Variants in HMCN1 observed in about 807,000 individuals in gnomAD.
The protein encoded by HMCN1 is hemicentin-1.
Under a neutral mutation model 625.9 loss-of-function variants are expected in HMCN1, and 321 were observed. The observed-to-expected ratio is 0.51, with a 90% CI of 0.47 to 0.56. The LOEUF (loss-of-function observed/expected upper bound fraction) is 0.56, where lower values mean the gene tolerates loss of function less well. HMCN1 is among the 20% of genes least tolerant of loss of function. HMCN1 has a pLI of 0.00. For missense variants in HMCN1, 6,588 were observed against 6,887.3 expected, an observed-to-expected ratio of 0.96 and a Z score of 1.54; for synonymous variants, 2,425 against 2,417.6, an observed-to-expected ratio of 1.00 and a Z score of -0.09.
At chr1:185,880,414 GTTTGT>G (rs1443622147) in intron 4 of HMCN1, among the ~76,000 whole-genome samples, 1 of 152,138 alleles carries the variant, frequency 6.6e-6, no homozygotes, top group African/African-American at 2.4e-5. Flanking sequence ...TTATTTGTCT[GTTTGT>G]TTTAACTTTC....
At position 186,136,889 on chromosome 1, in the gene HMCN1, C is replaced by G. The variant is rs766364489; in HGVS notation, c.13534C>G (p.Arg4512Gly). The G allele has an allele frequency of 1.3e-5, 21 of 1,613,924 alleles. No homozygotes were observed. The South Asian group carries it at 1.6e-4, about 13-fold the overall frequency. Residue 4512 changes from arginine to glycine, a missense_variant, in exon 87 of 107, where the codon CGA becomes GGA. Coordinates refer to ENST00000271588, the MANE Select transcript of HMCN1 (RefSeq NM_031935.3). The part of the protein sequence containing the change: ...EDTSEFECVA[R>G]NLMGSVLVRV... ...TACCTCTGAATTTGAATGTGTTGCT[C>G]GAAACTTAATGGGTTCTGTCCTTGT...
At position 185,970,439 on chromosome 1, in the gene HMCN1, G is replaced by A. The variant is rs376004147; in HGVS notation, c.2317G>A (p.Val773Ile). The A allele has an allele frequency of 7.4e-6, 12 of 1,613,750 alleles. No homozygotes were observed. In the African/African-American group the frequency reaches 8.0e-5, roughly 11 times the overall value. Residue 773 changes from valine to isoleucine, a missense_variant, in exon 15 of 107, where the codon GTA becomes ATA. Val to Ile is a conservative substitution (Grantham distance 29). Around this residue, in one of 3 missense-constraint regions of HMCN1, gnomAD observed 4,628 missense variants for 4,853.1 expected, o/e 0.95. Transcript: ENST00000271588. ...TCTGGATGCTGGCGATTATACCTGTGTAGCCATCAATGAGGCTGGAAGAGC... is the reference window on the plus strand; with the variant it reads ...TCTGGATGCTGGCGATTATACCTGTATAGCCATCAATGAGGCTGGAAGAGC... ...QDLDAGDYTCVAINEAGRATG... is the reference protein window; with the variant it reads ...QDLDAGDYTCIAINEAGRATG...
chr1:186,085,749 G>A (rs1355193516), intron 57 of HMCN1, among the ~76,000 whole-genome samples: 1 of 151,846 alleles, frequency 6.6e-6, no homozygotes, highest in Admixed American at 6.6e-5. Context: ...CTTCCTTCTT[G>A]TTTAAATAAG....
intron 68 of HMCN1, 26 bp downstream of exon 68, chr1:186,095,547 G>T: frequency 6.2e-7 from 1 of 1,603,982 alleles, no homozygotes; most frequent in South Asian, 1.1e-5. Flanking sequence ...GGTAAATGTA[G>T]AATAATTGGA....
rs57073916 is a variant in HMCN1, at chr1:185,816,221, C to G, written c.269-29805C>G. Among the ~76,000 whole-genome samples, 1,455 of 152,272 alleles carry G rather than the reference C, an allele frequency of 9.6e-3. 25 individuals are homozygous for G. Among genetic ancestry groups the G allele is most frequent in the African/African-American group, 0.032 (1,321 of 41,528 alleles). The stretch of plus-strand genomic sequence containing the variant: ...AACAAATTATAGGCAGTTACTGACA[C>G]AGATCCATCAATCCATGTGCTAGGC... On this transcript the variant is annotated intron_variant, in intron 1 of 106. Transcript: ENST00000271588.
rs1466864106 is a variant in HMCN1 at position 186,070,720 on chromosome 1, T to C, written c.8102T>C (p.Ile2701Thr). ...ACCTTGGAATGTGAAGCGTATGCAA[T>C]TCCTTCTGCCTCCCTCAGCTGGTAC... is the stretch of plus-strand genomic sequence containing the variant. ...TLTLECEAYA[I>T]PSASLSWYKD... The change falls in exon 52 of 107, where the codon ATT (isoleucine) becomes ACT (threonine). Residue 2701 changes from isoleucine to threonine, a missense_variant. Ile to Thr is a moderately conservative substitution (Grantham distance 89, BLOSUM62 -1). Around this residue, in one of 3 missense-constraint regions of HMCN1, gnomAD observed 4,628 missense variants for 4,853.1 expected, o/e 0.95. Coordinates refer to ENST00000271588, the MANE Select transcript of HMCN1 (RefSeq NM_031935.3). 3 of 1,613,890 alleles carry C rather than the reference T, an allele frequency of 1.9e-6. No homozygotes were observed. The African/African-American group carries it at 4.0e-5, about 22-fold the overall frequency.
intron 1 of HMCN1, among the ~76,000 whole-genome samples, chr1:185,772,592 G>T (rs1358910203): frequency 6.6e-6 from 1 of 152,124 alleles, no homozygotes; most frequent in Non-Finnish European, 1.5e-5. Flanking sequence ...TGTATTTCTG[G>T]AGGTGTGGAG....
intron 14 of HMCN1, among the ~76,000 whole-genome samples, chr1:185,967,311 C>T (rs796314199): frequency 6.6e-6 from 1 of 152,018 alleles, no homozygotes; most frequent in South Asian, 2.1e-4. Context: ...CCATCTTAAA[C>T]CCAGAAATAG....
chr1:186,119,115 C>G lies in HMCN1; in HGVS notation c.11849-76C>G, dbSNP rs1661269707. 2.8e-6 allele frequency: 3 copies of G among 1,085,512 alleles called. No individual in the cohort carries two copies. The African/African-American group carries it at 4.7e-5, about 17-fold the overall frequency. The allele number at this position is 1,085,512 out of a possible 1,614,324, so 67.2% of individuals were successfully genotyped here. A position where few individuals can be genotyped will look rare whatever the true frequency, so the allele number is the denominator to read the frequency against. On this transcript the variant is annotated intron_variant, in intron 77 of 106. Transcript: ENST00000271588. The stretch of plus-strand genomic sequence containing the variant: ...CACCATGCTATTTGCAGAAAACACA[C>G]AAAAGAGAGTCAAATTTTATTGAAC...
At chr1:186,034,943 A>C (rs1176871492) in intron 36 of HMCN1, among the ~76,000 whole-genome samples, 1 of 152,084 alleles carries the variant, frequency 6.6e-6, no homozygotes, top group East Asian at 1.9e-4. Context: ...GAAATTGCCA[A>C]CCCATTCCAT....
At chr1:186,164,113 G>A (rs999582798) in intron 97 of HMCN1, among the ~76,000 whole-genome samples, 3 of 152,102 alleles carry the variant, frequency 2.0e-5, no homozygotes, top group Admixed American at 1.3e-4. Flanking sequence ...TGCCCTAGAT[G>A]TTTCTGTCCC....
Position 186,156,455 on chromosome 1 carries a change from A to G in HMCN1, c.15256+2468A>G, listed in dbSNP as rs532191531. 1.6e-3 allele frequency among the ~76,000 whole-genome samples: 239 copies of G among 152,330 alleles called. 1 individual carries two copies. The highest frequency in any genetic ancestry group is 5.5e-3 in the African/African-American group (229 of 41,584). On this transcript the variant is annotated intron_variant, in intron 97 of 106. Coordinates refer to ENST00000271588, the MANE Select transcript of HMCN1 (RefSeq NM_031935.3). ...GTTTACCCTCATTAGTAAGCAAGGAAATGCAAATTAATGAGTTATTTTCTG... is the reference window on the plus strand; with the variant it reads ...GTTTACCCTCATTAGTAAGCAAGGAGATGCAAATTAATGAGTTATTTTCTG...
chr1:185,781,979 C>CT (rs1657154007), intron 1 of HMCN1, among the ~76,000 whole-genome samples: 1 of 152,178 alleles, frequency 6.6e-6, no homozygotes, highest in African/African-American at 2.4e-5. Flanking sequence ...GTGTGGGAGT[C>CT]TAAGTCTCTT....
chr1:186,001,194 C>A, intron 26 of HMCN1, 104 bp from the exon 27 acceptor site: 1 of 989,142 alleles, frequency 1.0e-6, no homozygotes, highest in Non-Finnish European at 1.5e-6. Flanking sequence ...GCTTTTCTAG[C>A]CATCAAATAT....
chr1:185,909,777 T>C (rs1666309998), intron 5 of HMCN1, among the ~76,000 whole-genome samples: 1 of 152,100 alleles, frequency 6.6e-6, no homozygotes, highest in African/African-American at 2.4e-5. Flanking sequence ...AAAATAAAAA[T>C]ATTTAAATAA....
chr1:185,917,934 G>A (rs1417713399), intron 6 of HMCN1, among the ~76,000 whole-genome samples: 1 of 152,134 alleles, frequency 6.6e-6, no homozygotes, highest in Non-Finnish European at 1.5e-5. Flanking sequence ...GAGAAACCTA[G>A]ACTCTGGTTC....
chr1:186,017,201 A>G lies in HMCN1; in HGVS notation c.5300+130A>G, dbSNP rs1654422436. On this transcript the variant is annotated intron_variant, in intron 33 of 106. Transcript: ENST00000271588. Reference sequence around the variant, plus strand: ...TTGTATTCTTTATATTCCTCTTTTAAAAGACATGCTCTATATACAAGGCAA... The same window carrying G: ...TTGTATTCTTTATATTCCTCTTTTAGAAGACATGCTCTATATACAAGGCAA... 7.3e-6 allele frequency: 5 copies of G among 689,260 alleles called. No homozygotes were observed. The Admixed American group carries it at 7.9e-5, about 11-fold the overall frequency. 42.7% of individuals were successfully genotyped at this position (689,260 alleles called of 1,614,324 possible).
At chr1:185,879,275 ATTC>A (rs1664144332) in intron 4 of HMCN1, among the ~76,000 whole-genome samples, 1 of 151,742 alleles carries the variant, frequency 6.6e-6, no homozygotes, top group Non-Finnish European at 1.5e-5. Context: ...GGCCCAAGCA[ATTC>A]TCCCACCTCA....
chr1:185,913,378 G>T (rs1336030466), intron 6 of HMCN1, among the ~76,000 whole-genome samples: 2 of 152,056 alleles, frequency 1.3e-5, no homozygotes, highest in East Asian at 1.9e-4. Flanking sequence ...TTTATGTAAT[G>T]GTTATTTTGA....
Sources: gnomAD v4.1 joint callset for allele counts (sites outside exome capture counted in the v4.1 genomes callset) on GRCh38, gnomAD v4.1.1 for gene constraint, gnomAD v4.1.1 regional missense constraint, MANE v1.5 for transcripts, NCBI Gene and HGNC (gene_info 2026-07-23, HGNC 2026-07-21) for gene names.